The following ANTXR1 variants were observed in gnomAD, a reference collection of about 807,000 sequenced individuals.
ANTXR1 encodes ANTXR cell adhesion molecule 1.
Under a neutral mutation model 78.1 loss-of-function variants are expected in ANTXR1, and 19 were observed. The ratio of observed to expected loss-of-function variants is 0.24; its 90% CI spans 0.17 to 0.36. The LOEUF (loss-of-function observed/expected upper bound fraction) is 0.36, where lower values mean the gene tolerates loss of function less well. ANTXR1 is among the 10% of genes least tolerant of loss of function. The pLI, the probability that ANTXR1 is intolerant of heterozygous loss-of-function variation, is 1.00. For synonymous variants in ANTXR1, 273 were observed against 260.5 expected, an observed-to-expected ratio of 1.05 and a Z score of -0.46; for missense variants, 518 against 718.6, an observed-to-expected ratio of 0.72 and a Z score of 3.19.
intron 1 of ANTXR1, among the ~76,000 whole-genome samples, chr2:69,033,086 A>G (rs1377658113): frequency 6.6e-5 from 10 of 152,190 alleles, no homozygotes; most frequent in South Asian, 4.1e-4. Flanking sequence ...AGTTAGATAT[A>G]CTAACAGGAT....
At chr2:69,231,320 C>T (rs995151261) in intron 17 of ANTXR1, among the ~76,000 whole-genome samples, 1 of 152,136 alleles carries the variant, frequency 6.6e-6, no homozygotes, top group African/African-American at 2.4e-5. Flanking sequence ...CATCTTTCTC[C>T]TGGGGACCTT....
chr2:69,084,077 C>T (rs1670973936), intron 8 of ANTXR1, among the ~76,000 whole-genome samples: 1 of 152,166 alleles, frequency 6.6e-6, no homozygotes, highest in African/African-American at 2.4e-5. Context: ...CAGATCATTC[C>T]TATTCTTCCT....
At chr2:69,043,263 T>G (rs1331608654) in intron 2 of ANTXR1, among the ~76,000 whole-genome samples, 1 of 152,172 alleles carries the variant, frequency 6.6e-6, no homozygotes, top group Non-Finnish European at 1.5e-5. Context: ...CTCAATTTCC[T>G]TTTGTGGAAA....
chr2:69,204,881 A>C (rs1363163210), intron 17 of ANTXR1, among the ~76,000 whole-genome samples: 1 of 152,182 alleles, frequency 6.6e-6, no homozygotes, highest in African/African-American at 2.4e-5. Flanking sequence ...CTGTGCTCCC[A>C]GATCACCTCA....
At chr2:69,091,392 G>A (rs1671231206) in intron 9 of ANTXR1, among the ~76,000 whole-genome samples, 1 of 135,028 alleles carries the variant, frequency 7.4e-6, no homozygotes, top group African/African-American at 2.8e-5. Flanking sequence ...GTTGCAGTGA[G>A]CCGAGATCGC....
chr2:69,046,535 A>G (rs898644867), intron 3 of ANTXR1, among the ~76,000 whole-genome samples: 1 of 152,196 alleles, frequency 6.6e-6, no homozygotes, highest in African/African-American at 2.4e-5. Flanking sequence ...ATGTGCATCA[A>G]ACAACAGCCA....
At chr2:69,117,304 G>A (rs75713556) in intron 10 of ANTXR1, among the ~76,000 whole-genome samples, 2,065 of 152,214 alleles carry the variant, frequency 0.014, 54 homozygotes, top group African/African-American at 0.045. Context: ...TTTGAATTCC[G>A]GCTCTGACAC....
chr2:69,213,138 C>T (rs1179770284), intron 17 of ANTXR1, among the ~76,000 whole-genome samples: 1 of 152,002 alleles, frequency 6.6e-6, no homozygotes, highest in Admixed American at 6.6e-5. Context: ...TAATAACATA[C>T]AAAGTGCAAA....
At chr2:69,177,370 A>G (rs1674151229) in intron 14 of ANTXR1, among the ~76,000 whole-genome samples, 1 of 152,198 alleles carries the variant, frequency 6.6e-6, no homozygotes, top group South Asian at 2.1e-4. Flanking sequence ...GGCTAATCCA[A>G]TTACAGGCTA....
At chr2:69,238,887 C>A (rs1675834375) in intron 17 of ANTXR1, among the ~76,000 whole-genome samples, 1 of 152,166 alleles carries the variant, frequency 6.6e-6, no homozygotes, top group Non-Finnish European at 1.5e-5. Context: ...ATATTTTTAA[C>A]CATCTCCAAA....
intron 7 of ANTXR1, among the ~76,000 whole-genome samples, chr2:69,075,960 GT>G (rs1467937636): frequency 2.0e-5 from 3 of 152,042 alleles, no homozygotes; most frequent in Non-Finnish European, 2.9e-5. Context: ...GTTTGTTTGT[GT>G]TTTGAGACAG....
chr2:69,167,235 T>C (rs1488450508), intron 13 of ANTXR1, among the ~76,000 whole-genome samples: 1 of 152,226 alleles, frequency 6.6e-6, no homozygotes, highest in Non-Finnish European at 1.5e-5. Context: ...TTATATCCTA[T>C]AAGCCATGGG....
intron 3 of ANTXR1, among the ~76,000 whole-genome samples, chr2:69,045,251 A>G (rs1669729427): frequency 6.6e-6 from 1 of 152,200 alleles, no homozygotes; most frequent in African/African-American, 2.4e-5. Context: ...AGGGAGTAGA[A>G]AGGGAGGGCT....
At chr2:69,035,473 G>T (rs1176589800) in intron 1 of ANTXR1, among the ~76,000 whole-genome samples, 1 of 152,158 alleles carries the variant, frequency 6.6e-6, no homozygotes, top group Admixed American at 6.5e-5. Flanking sequence ...TGCAGATCGA[G>T]ATACCCCTTT....
chr2:69,084,420 G>A (rs1348036262), intron 8 of ANTXR1, among the ~76,000 whole-genome samples: 2 of 152,044 alleles, frequency 1.3e-5, no homozygotes, highest in Non-Finnish European at 2.9e-5. Flanking sequence ...AAAAACTTTG[G>A]CATGTTTTAA....
At chr2:69,118,109 A>T (rs867275415) in intron 10 of ANTXR1, among the ~76,000 whole-genome samples, 4 of 152,258 alleles carry the variant, frequency 2.6e-5, no homozygotes, top group Middle Eastern at 3.4e-3. Context: ...ATATTTCAAG[A>T]TCATCTAAGA....
intron 17 of ANTXR1, among the ~76,000 whole-genome samples, chr2:69,227,343 G>C (rs572528942): frequency 1.4e-4 from 22 of 152,200 alleles, no homozygotes; most frequent in Middle Eastern, 6.8e-3. Flanking sequence ...AGCTGGGCAG[G>C]TCTCACCTCT....
At chr2:69,191,945 A>C (rs1219264912) in intron 16 of ANTXR1, among the ~76,000 whole-genome samples, 1 of 152,178 alleles carries the variant, frequency 6.6e-6, no homozygotes, top group East Asian at 1.9e-4. Context: ...CTGCTGGGAC[A>C]ATTCAATTAG....
At chr2:69,098,879 C>T (rs368440869) in intron 9 of ANTXR1, among the ~76,000 whole-genome samples, 68 of 152,156 alleles carry the variant, frequency 4.5e-4, no homozygotes, top group African/African-American at 1.4e-3. Context: ...CCAGCTACTC[C>T]GGAGGCTGAG....
Sources: gnomAD v4.1 joint callset for allele counts (sites outside exome capture counted in the v4.1 genomes callset) on GRCh38, gnomAD v4.1.1 for gene constraint, MANE v1.5 for transcripts, NCBI Gene and HGNC (gene_info 2026-07-23, HGNC 2026-07-21) for gene names.